TRPM3: variants seen among roughly 807,000 people sequenced by gnomAD.
TRPM3 encodes the protein long transient receptor potential channel 3.
Under a neutral mutation model 181.2 loss-of-function variants are expected in TRPM3, and 77 were observed. The observed-to-expected ratio is 0.42, with a 90% CI of 0.35 to 0.51. The LOEUF (loss-of-function observed/expected upper bound fraction) is 0.51, where lower values mean the gene tolerates loss of function less well. Ranked by LOEUF, TRPM3 falls within the 20% of genes least tolerant of loss-of-function variation. The pLI, the probability that TRPM3 is intolerant of heterozygous loss-of-function variation, is 0.01. For synonymous variants in TRPM3, 745 were observed against 796.4 expected (o/e 0.94, Z 1.09); for missense variants, 1,759 against 2,196.7 (o/e 0.80, Z 3.98).
intron 1 of TRPM3, among the ~76,000 whole-genome samples, chr9:71,229,733 G>T (rs571778363): frequency 6.6e-6 from 1 of 151,810 alleles, no homozygotes; most frequent in African/African-American, 2.4e-5. Context: ...CTACAGTAAG[G>T]TATCACCTCA....
intron 1 of TRPM3, among the ~76,000 whole-genome samples, chr9:70,893,279 G>T (rs2096238723): frequency 6.6e-6 from 1 of 152,138 alleles, no homozygotes; most frequent in Admixed American, 6.5e-5. Flanking sequence ...TTGGGTTAGA[G>T]AACTGCCTTT....
At chr9:70,958,820 T>C (rs1207919081) in intron 1 of TRPM3, among the ~76,000 whole-genome samples, 3 of 151,672 alleles carry the variant, frequency 2.0e-5, no homozygotes, top group South Asian at 2.1e-4. Context: ...TGGAATACTA[T>C]GTAGCCATAA....
At chr9:71,243,199 G>A (rs1174191004) in intron 1 of TRPM3, among the ~76,000 whole-genome samples, 3 of 152,096 alleles carry the variant, frequency 2.0e-5, no homozygotes, top group African/African-American at 7.2e-5. Context: ...CCGCAACTAC[G>A]CCCAGCTAAT....
intron 1 of TRPM3, among the ~76,000 whole-genome samples, chr9:71,408,271 G>T (rs1047765869): frequency 6.6e-6 from 1 of 152,138 alleles, no homozygotes; most frequent in Non-Finnish European, 1.5e-5. Flanking sequence ...TTGACAGAAG[G>T]CGCCTTCAGA....
At chr9:71,242,059 C>G (rs916030016) in intron 1 of TRPM3, among the ~76,000 whole-genome samples, 4 of 152,314 alleles carry the variant, frequency 2.6e-5, no homozygotes, top group Admixed American at 6.5e-5. Flanking sequence ...TAAGTGTTAA[C>G]TTGGGAAATC....
At chr9:70,799,173 A>G (rs1355755542) in intron 6 of TRPM3, among the ~76,000 whole-genome samples, 1 of 152,244 alleles carries the variant, frequency 6.6e-6, no homozygotes, top group Non-Finnish European at 1.5e-5. Flanking sequence ...GGAAATGAAC[A>G]GGAACTATAT....
intron 1 of TRPM3, among the ~76,000 whole-genome samples, chr9:71,200,651 C>G (rs2078721121): frequency 6.6e-6 from 1 of 152,126 alleles, no homozygotes; most frequent in African/African-American, 2.4e-5. Flanking sequence ...CTCTTTTGAT[C>G]TTTGTTGGTT....
intron 25 of TRPM3, among the ~76,000 whole-genome samples, chr9:70,548,600 T>TATTTCTA (rs1275644751): frequency 6.6e-6 from 1 of 152,206 alleles, no homozygotes; most frequent in African/African-American, 2.4e-5. Context: ...CTTTCTACAC[T>TATTTCTA]ATTTCTAATT....
intron 25 of TRPM3, among the ~76,000 whole-genome samples, chr9:70,542,144 A>G (rs952468437): frequency 5.3e-5 from 8 of 152,160 alleles, no homozygotes; most frequent in Non-Finnish European, 8.8e-5. Context: ...TTCAATGTAA[A>G]TGGGCAGGTG....
At chr9:71,136,842 A>C (rs987055440) in intron 1 of TRPM3, among the ~76,000 whole-genome samples, 2 of 152,204 alleles carry the variant, frequency 1.3e-5, no homozygotes, top group African/African-American at 2.4e-5. Context: ...CCCATGGCGC[A>C]CTTTGAAGAC....
intron 22 of TRPM3, among the ~76,000 whole-genome samples, chr9:70,566,123 G>A (rs2050517060): frequency 6.6e-6 from 1 of 152,094 alleles, no homozygotes; most frequent in Non-Finnish European, 1.5e-5. Context: ...AGAAACAATA[G>A]CATAATAGAT....
chr9:71,399,758 C>A (rs2093298149), intron 1 of TRPM3, among the ~76,000 whole-genome samples: 1 of 152,072 alleles, frequency 6.6e-6, no homozygotes, highest in Non-Finnish European at 1.5e-5. Context: ...GTCTTGATCT[C>A]CTGACCTTGT....
intron 7 of TRPM3, among the ~76,000 whole-genome samples, chr9:70,776,673 G>A (rs1267246650): frequency 6.6e-6 from 1 of 152,134 alleles, no homozygotes; most frequent in Admixed American, 6.6e-5. Context: ...ACAAAGTACA[G>A]CTGTGGGAAA....
intron 1 of TRPM3, among the ~76,000 whole-genome samples, chr9:70,914,280 T>A (rs145366896): frequency 1.3e-5 from 2 of 152,190 alleles, no homozygotes; most frequent in Admixed American, 6.5e-5. Context: ...TCGTGCTATT[T>A]TGGAAGCAGA....
intron 1 of TRPM3, among the ~76,000 whole-genome samples, chr9:70,927,617 T>G (rs1421792454): frequency 6.6e-6 from 1 of 152,210 alleles, no homozygotes; most frequent in Non-Finnish European, 1.5e-5. Flanking sequence ...GCAAAGACTT[T>G]CTGAATGTTT....
Position 71,376,699 on chromosome 9 carries a change from A to G in TRPM3, c.183+69954T>C, listed in dbSNP as rs961333328. On this transcript the variant is annotated intron_variant, in intron 1 of 24. Coordinates refer to the TRPM3 transcript ENST00000357533. ...TTATCTAAGTTAAATGCATATTTTC[A>G]GGTTCTAGTCATCAAAAATAGGCAA... Among the ~76,000 whole-genome samples, 5 of 152,234 alleles carry G rather than the reference A, an allele frequency of 3.3e-5. No individual in the cohort carries two copies. In the East Asian group the frequency reaches 9.6e-4, roughly 29 times the overall value.
At chr9:71,405,609 G>A (rs760319657) in intron 1 of TRPM3, among the ~76,000 whole-genome samples, 1 of 152,138 alleles carries the variant, frequency 6.6e-6, no homozygotes, top group Non-Finnish European at 1.5e-5. Context: ...AGCTCAGAGA[G>A]TCCTGTTGAA....
Position 71,370,477 on chromosome 9 carries a change from G to GAA in TRPM3, c.183+76174_183+76175dup, listed in dbSNP as rs111456800. Among the ~76,000 whole-genome samples the GAA allele has an allele frequency of 4.7e-5, 7 of 148,556 alleles. 1 individual carries two copies. Among genetic ancestry groups the GAA allele is most frequent in the African/African-American group, 7.4e-5 (3 of 40,778 alleles). On this transcript the variant is annotated intron_variant, in intron 1 of 24. Coordinates refer to the TRPM3 transcript ENST00000357533. ...GGAGAAAGTTTTAGTGGTCTGGATA[G>GAA]AAAAAAAAAATCAAACCAGCCACAA...
intron 4 of TRPM3, 76 bp from the exon 5 acceptor site, chr9:70,843,203 A>T: frequency 6.8e-7 from 1 of 1,468,702 alleles, no homozygotes; most frequent in African/African-American, 1.4e-5. Flanking sequence ...AAACTGTGGT[A>T]ATGGTTTCTC....
Sources: allele counts gnomAD v4.1 joint callset (sites outside exome capture counted in the v4.1 genomes callset), GRCh38; gene constraint gnomAD v4.1.1; transcripts MANE v1.5; gene names NCBI Gene and HGNC (gene_info 2026-07-23, HGNC 2026-07-21).